The following PPP3CA variants were observed in gnomAD, a reference collection of about 807,000 sequenced individuals.
PPP3CA encodes protein phosphatase 3 catalytic subunit alpha, also known as CAM-PRP catalytic subunit.
A neutral mutation model predicts 66.5 loss-of-function variants in PPP3CA; 14 were observed. The ratio of observed to expected loss-of-function variants is 0.21; its 90% CI spans 0.14 to 0.33. PPP3CA has a LOEUF of 0.33. PPP3CA is among the 10% of genes least tolerant of loss of function. PPP3CA has a pLI of 1.00. For missense variants in PPP3CA, 317 were observed against 639.5 expected (o/e 0.50, Z 5.44); for synonymous variants, 232 against 226.2 (o/e 1.03, Z -0.23).
intron 1 of PPP3CA, among the ~76,000 whole-genome samples, chr4:101,335,685 A>G (rs180850627): frequency 6.7e-4 from 102 of 152,254 alleles, no homozygotes; most frequent in Non-Finnish European, 1.2e-3. Flanking sequence ...CACCCTCCCA[A>G]AGGGTATCTC....
At chr4:101,270,874 C>T (rs892270869) in intron 1 of PPP3CA, among the ~76,000 whole-genome samples, 2 of 152,072 alleles carry the variant, frequency 1.3e-5, no homozygotes, top group Non-Finnish European at 2.9e-5. Context: ...TACAGTGTGA[C>T]TTTATGAATT....
At chr4:101,075,847 T>C (rs1036080085) in intron 8 of PPP3CA, among the ~76,000 whole-genome samples, 1 of 152,170 alleles carries the variant, frequency 6.6e-6, no homozygotes, top group African/African-American at 2.4e-5. Flanking sequence ...TAAATAATCA[T>C]TGGTGGAATT....
chr4:101,054,383 C>T (rs982854894), intron 10 of PPP3CA, among the ~76,000 whole-genome samples: 19 of 152,094 alleles, frequency 1.2e-4, no homozygotes, highest in Non-Finnish European at 2.4e-4. Flanking sequence ...TTAACCAAAC[C>T]CATTTAGATT....
At chr4:101,173,902 A>G (rs1723966424) in intron 2 of PPP3CA, among the ~76,000 whole-genome samples, 1 of 152,102 alleles carries the variant, frequency 6.6e-6, no homozygotes, top group Non-Finnish European at 1.5e-5. Context: ...AAATTTAAAA[A>G]TTAGCTGGGA....
At chr4:101,291,201 T>C (rs1728012969) in intron 1 of PPP3CA, among the ~76,000 whole-genome samples, 1 of 152,186 alleles carries the variant, frequency 6.6e-6, no homozygotes, top group Non-Finnish European at 1.5e-5. Flanking sequence ...AGTTCTTCTA[T>C]GTGGGTCAAA....
At chr4:101,204,418 C>T (rs758374927) in intron 1 of PPP3CA, among the ~76,000 whole-genome samples, 1 of 152,020 alleles carries the variant, frequency 6.6e-6, no homozygotes, top group Admixed American at 6.6e-5. Flanking sequence ...GGGCGGATCA[C>T]GAGGTCAGGA....
At chr4:101,315,743 A>C (rs1402932606) in intron 1 of PPP3CA, among the ~76,000 whole-genome samples, 1 of 152,228 alleles carries the variant, frequency 6.6e-6, no homozygotes, top group Admixed American at 6.5e-5. Context: ...GCAATTCCAC[A>C]AAGTCATCAA....
intron 2 of PPP3CA, among the ~76,000 whole-genome samples, chr4:101,184,253 G>A (rs1464834549): frequency 6.6e-6 from 1 of 152,152 alleles, no homozygotes; most frequent in Admixed American, 6.6e-5. Context: ...TAAGTTGAAG[G>A]AAGAAACTAT....
intron 2 of PPP3CA, among the ~76,000 whole-genome samples, chr4:101,175,580 C>A (rs1016908567): frequency 1.3e-5 from 2 of 152,112 alleles, no homozygotes; most frequent in Non-Finnish European, 2.9e-5. Flanking sequence ...AAAGGAGCAT[C>A]TAAGGAGTCC....
intron 1 of PPP3CA, among the ~76,000 whole-genome samples, chr4:101,259,285 T>C (rs1157899691): frequency 6.6e-6 from 1 of 152,076 alleles, no homozygotes; most frequent in African/African-American, 2.4e-5. Context: ...GCTAAACACG[T>C]TTGTTTTCAA....
intron 2 of PPP3CA, among the ~76,000 whole-genome samples, chr4:101,124,726 AG>A (rs1417122224): frequency 3.5e-3 from 162 of 45,674 alleles, no homozygotes; most frequent in African/African-American, 6.1e-3. Flanking sequence ...AGAAAGAAAG[AG>A]AAAGAAAGAA....
At chr4:101,314,569 C>CAAAAAAAAAAAAAAAAAAAAAAAA (rs748980814) in intron 1 of PPP3CA, among the ~76,000 whole-genome samples, 1 of 75,256 alleles carries the variant, frequency 1.3e-5, no homozygotes, top group Non-Finnish European at 2.5e-5. Flanking sequence ...ATCTCAAAAC[C>CAAAAAAAAAAAAAAAAAAAAAAAA]AAAAAAAAAA....
At chr4:101,237,301 A>G (rs1560674066) in intron 1 of PPP3CA, among the ~76,000 whole-genome samples, 1 of 151,978 alleles carries the variant, frequency 6.6e-6, no homozygotes, top group Admixed American at 6.6e-5. Flanking sequence ...GTAGGTAAAT[A>G]TAACATTATC....
intron 1 of PPP3CA, among the ~76,000 whole-genome samples, chr4:101,205,908 CAA>C (rs1419057421): frequency 6.6e-6 from 1 of 152,114 alleles, no homozygotes; most frequent in Non-Finnish European, 1.5e-5. Context: ...CACAGTGAAG[CAA>C]AGATTGAAAT....
chr4:101,109,182 G>A (rs971852671), intron 2 of PPP3CA, 104 bp from the exon 3 acceptor site: 1 of 1,172,890 alleles, frequency 8.5e-7, no homozygotes, highest in Non-Finnish European at 1.2e-6. Flanking sequence ...AAGTTTATCT[G>A]AGCCAAAACA....
At chr4:101,290,268 C>G (rs62322611) in intron 1 of PPP3CA, among the ~76,000 whole-genome samples, 2,269 of 152,264 alleles carry the variant, frequency 0.015, 24 homozygotes, top group Non-Finnish European at 0.023. Context: ...ACCTCTATCT[C>G]CAGTTTGACT....
chr4:101,144,940 C>A (rs547714845), intron 2 of PPP3CA, among the ~76,000 whole-genome samples: 3 of 152,256 alleles, frequency 2.0e-5, no homozygotes, highest in Admixed American at 6.5e-5. Context: ...TATTTTACAT[C>A]ATAAGCCATT....
At chr4:101,234,796 T>C (rs959323225) in intron 1 of PPP3CA, among the ~76,000 whole-genome samples, 4 of 151,784 alleles carry the variant, frequency 2.6e-5, no homozygotes, top group Non-Finnish European at 5.9e-5. Context: ...AAAATAAATA[T>C]TAGCATCATA....
chr4:101,122,765 C>G (rs1416270916), intron 2 of PPP3CA, among the ~76,000 whole-genome samples: 1 of 152,072 alleles, frequency 6.6e-6, no homozygotes, highest in Non-Finnish European at 1.5e-5. Context: ...ATAAGGGTCT[C>G]AAATTCCAGC....
Sources: gnomAD v4.1 joint callset for allele counts (sites outside exome capture counted in the v4.1 genomes callset) on GRCh38, gnomAD v4.1.1 for gene constraint, MANE v1.5 for transcripts, NCBI Gene and HGNC (gene_info 2026-07-23, HGNC 2026-07-21) for gene names.